Variants in CDIN1 observed in about 807,000 individuals in gnomAD.
The protein encoded by CDIN1 is CDAN1 interacting nuclease 1.
A neutral mutation model predicts 45.3 loss-of-function variants in CDIN1; 33 were observed. That is an observed-to-expected ratio of 0.73 (90% CI 0.55 to 0.97). The LOEUF is 0.97. Among genes scored for constraint, CDIN1 ranks in the 50% least tolerant of loss-of-function variants. The pLI, the probability that CDIN1 is intolerant of heterozygous loss-of-function variation, is 0.00. For missense variants in CDIN1, 303 were observed against 339.4 expected, an observed-to-expected ratio of 0.89 and a Z score of 0.84; for synonymous variants, 118 against 124.4, an observed-to-expected ratio of 0.95 and a Z score of 0.34.
At chr15:36,702,758 T>C (rs1369544584) in intron 8 of CDIN1, among the ~76,000 whole-genome samples, 1 of 152,130 alleles carries the variant, frequency 6.6e-6, no homozygotes, top group Admixed American at 6.6e-5. Context: ...TAATATCTTT[T>C]GTCCTTTTTG....
At chr15:36,771,040 G>A (rs1056345099) in intron 10 of CDIN1, among the ~76,000 whole-genome samples, 2 of 152,200 alleles carry the variant, frequency 1.3e-5, no homozygotes, top group Non-Finnish European at 2.9e-5. Flanking sequence ...GGATAGTGAT[G>A]AGAAGTCACA....
intron 1 of CDIN1, among the ~76,000 whole-genome samples, chr15:36,605,894 G>A (rs767640845): frequency 3.9e-5 from 6 of 152,132 alleles, no homozygotes; most frequent in South Asian, 2.1e-4. Context: ...TTCAGTGAAC[G>A]GCTTGAAGTC....
chr15:36,628,699 T>C (rs1298269576), intron 1 of CDIN1, among the ~76,000 whole-genome samples: 3 of 152,164 alleles, frequency 2.0e-5, no homozygotes, highest in African/African-American at 4.8e-5. Context: ...GGGTCAGATA[T>C]GAATCTTTAA....
intron 1 of CDIN1, among the ~76,000 whole-genome samples, chr15:36,592,774 A>G (rs1439446935): frequency 6.6e-6 from 1 of 151,986 alleles, no homozygotes; most frequent in Non-Finnish European, 1.5e-5. Context: ...TTTTAAAGCC[A>G]TATATACATG....
intron 10 of CDIN1, among the ~76,000 whole-genome samples, chr15:36,740,407 A>G (rs1194425443): frequency 1.3e-5 from 2 of 152,188 alleles, no homozygotes; most frequent in Non-Finnish European, 2.9e-5. Flanking sequence ...CCCAAATGAC[A>G]TCACCTTAGA....
At chr15:36,784,613 G>A (rs1047427001) in intron 10 of CDIN1, among the ~76,000 whole-genome samples, 1 of 152,098 alleles carries the variant, frequency 6.6e-6, no homozygotes, top group Non-Finnish European at 1.5e-5. Flanking sequence ...CTTATTCTGT[G>A]GATAAAATCT....
intron 1 of CDIN1, among the ~76,000 whole-genome samples, chr15:36,595,306 T>C (rs2037763173): frequency 7.5e-6 from 1 of 133,514 alleles, no homozygotes; most frequent in Admixed American, 7.1e-5. Flanking sequence ...TATAATATAA[T>C]ATAATATAAT....
intron 1 of CDIN1, among the ~76,000 whole-genome samples, chr15:36,619,469 T>TTCTA (rs58603040): frequency 0.22 from 32,494 of 146,948 alleles, 3,543 homozygotes; most frequent in Middle Eastern, 0.3. Flanking sequence ...GCTGGAGGAT[T>TTCTA]TCTATCTATC....
chr15:36,776,002 G>C (rs1443999553), intron 10 of CDIN1, among the ~76,000 whole-genome samples: 1 of 152,194 alleles, frequency 6.6e-6, no homozygotes, highest in Non-Finnish European at 1.5e-5. Flanking sequence ...GCTGCTTTTA[G>C]AAACTTGATT....
chr15:36,709,223 A>G lies in CDIN1; in HGVS notation c.545A>G (p.Asp182Gly), dbSNP rs954025420. 3 of 1,595,538 alleles carry G rather than the reference A, an allele frequency of 1.9e-6. No homozygotes were observed. Among genetic ancestry groups the G allele is most frequent in the Non-Finnish European group, 1.7e-6 (2 of 1,171,428 alleles). ...LLLEKNLSFL[D>G]EDQLRAKGYD... ...TAAATAGTGTTTGTTCTTCCTGTAG[A>G]TGAAGATCAGCTTCGTGCAAAGGGT... Residue 182 changes from aspartate to glycine, a missense_variant and splice_region_variant, in exon 9 of 11, where the codon GAT becomes GGT. Asp to Gly is a moderately conservative substitution (Grantham distance 94, BLOSUM62 -1). Transcript: ENST00000566621.
In CDIN1 at chr15:36,709,920, C is replaced by T; in HGVS notation, c.675C>T (p.His225=). ...SKASFGDECS[H]HAYLHDQFWS... is the part of the protein sequence containing the mutation. ...CCTCATTTGGTGATGAATGTAGCCA[C>T]CACGCCTACCTGCATGACCAGTTCT... Residue 225 remains histidine, a synonymous_variant, in exon 10 of 11, where the codon CAC becomes CAT. Transcript: ENST00000566621. 6.2e-7 allele frequency: 1 copy of T among 1,613,272 alleles called. No individual in the cohort carries two copies. The highest frequency in any genetic ancestry group is 1.1e-5 in the South Asian group (1 of 91,030).
intron 10 of CDIN1, among the ~76,000 whole-genome samples, chr15:36,719,441 T>C (rs2043332026): frequency 6.6e-6 from 1 of 152,224 alleles, no homozygotes; most frequent in Non-Finnish European, 1.5e-5. Flanking sequence ...ATTTTAATGT[T>C]ATACCAACCT....
intron 7 of CDIN1, 126 bp from the exon 8 acceptor site, chr15:36,697,196 TA>T: frequency 1.3e-6 from 1 of 760,634 alleles, no homozygotes; most frequent in Non-Finnish European, 2.3e-6. Flanking sequence ...GGGATGTGTG[TA>T]GAGATTTCAT....
intron 10 of CDIN1, among the ~76,000 whole-genome samples, chr15:36,730,273 C>T (rs1209966844): frequency 6.6e-6 from 1 of 152,044 alleles, no homozygotes; most frequent in Non-Finnish European, 1.5e-5. Context: ...CATATATTTG[C>T]TTTATTTGTT....
At chr15:36,797,223 C>A (rs2054830454) in intron 10 of CDIN1, among the ~76,000 whole-genome samples, 1 of 152,168 alleles carries the variant, frequency 6.6e-6, no homozygotes, top group Non-Finnish European at 1.5e-5. Flanking sequence ...TATCTCTTCA[C>A]TCATCTTAAA....
chr15:36,714,115 G>A (rs778585114), intron 10 of CDIN1, among the ~76,000 whole-genome samples: 41 of 152,218 alleles, frequency 2.7e-4, no homozygotes, highest in Non-Finnish European at 4.1e-4. Flanking sequence ...TTTTCTTTGA[G>A]AATTCAACTC....
intron 1 of CDIN1, among the ~76,000 whole-genome samples, chr15:36,615,638 G>A (rs2038852991): frequency 6.6e-6 from 1 of 152,092 alleles, no homozygotes; most frequent in South Asian, 2.1e-4. Context: ...GAAATCTGAA[G>A]GGTTTCATGA....
At chr15:36,734,421 C>A in intron 10 of CDIN1, 10 of 400,112 alleles carry the variant, frequency 2.5e-5, no homozygotes, top group South Asian at 1.9e-4. Flanking sequence ...AAAAAAAGCT[C>A]ATTTATTTTC....
chr15:36,721,759 G>C lies in CDIN1; in HGVS notation c.716+11798G>C, dbSNP rs1305824839. Among the ~76,000 whole-genome samples, 12 of 151,762 alleles carry C rather than the reference G, an allele frequency of 7.9e-5. No homozygotes were observed. In the South Asian group the frequency reaches 2.3e-3, roughly 29 times the overall value. On this transcript the variant is annotated intron_variant, in intron 10 of 10. Coordinates refer to ENST00000566621, the MANE Select transcript of CDIN1 (RefSeq NM_001321759.2). ...GAATACTTGAGGGAGACCTATTTAAGTTCCTGGAATTTCTCTCTCTCTCTC... is the reference window on the plus strand; with the variant it reads ...GAATACTTGAGGGAGACCTATTTAACTTCCTGGAATTTCTCTCTCTCTCTC...
Sources: gnomAD v4.1 joint callset for allele counts (sites outside exome capture counted in the v4.1 genomes callset) on GRCh38, gnomAD v4.1.1 for gene constraint, MANE v1.5 for transcripts, NCBI Gene and HGNC (gene_info 2026-07-23, HGNC 2026-07-21) for gene names.